The following ASTN2 variants were observed in gnomAD, a reference collection of about 807,000 sequenced individuals.
ASTN2 encodes the protein astrotactin-2.
ASTN2 carries 54 observed loss-of-function variants against 139.8 expected under a neutral mutation model. The observed-to-expected ratio is 0.39, with a 90% CI of 0.31 to 0.48. The LOEUF (loss-of-function observed/expected upper bound fraction) is 0.48. ASTN2 is among the 20% of genes least tolerant of loss of function. The probability of loss-of-function intolerance (pLI) is 0.95; values close to 1 mark genes in which losing one functional copy is unlikely to be tolerated. For missense variants in ASTN2, 1,565 were observed against 1,725.1 expected (o/e 0.91, Z 1.64); for synonymous variants, 756 against 719.5 (o/e 1.05, Z -0.81).
At chr9:116,744,385 G>A (rs1829179491) in intron 13 of ASTN2, among the ~76,000 whole-genome samples, 1 of 152,042 alleles carries the variant, frequency 6.6e-6, no homozygotes, top group African/African-American at 2.4e-5. Flanking sequence ...CCCACTGTAG[G>A]GTATTCAGCA....
intron 11 of ASTN2, among the ~76,000 whole-genome samples, chr9:116,843,676 A>AAGG (rs1832340851): frequency 6.9e-6 from 1 of 145,974 alleles, no homozygotes; most frequent in African/African-American, 2.5e-5. Flanking sequence ...AAAAAAAAAA[A>AAGG]GTGGGAGCTA....
chr9:116,753,779 T>G (rs1243336228), intron 13 of ASTN2, among the ~76,000 whole-genome samples: 1 of 146,408 alleles, frequency 6.8e-6, no homozygotes, highest in African/African-American at 2.8e-5. Context: ...CTAGGCAATC[T>G]GATGTCCACC....
Position 117,071,284 on chromosome 9 carries a change from T to G in ASTN2, c.1276+24760A>C, listed in dbSNP as rs1479059338. Among the ~76,000 whole-genome samples, 9 of 151,532 alleles carry G rather than the reference T, an allele frequency of 5.9e-5. No homozygotes were observed. The South Asian group carries it at 1.9e-3, about 32-fold the overall frequency. ...AATACCCTGCCGTGTGAGGTGTCAG[T>G]GTGCCCCTGCTGGGGGGTGCCTCCC... On this transcript the variant is annotated intron_variant, in intron 5 of 22. Transcript: ENST00000313400.
At chr9:117,099,101 C>A (rs894544740) in intron 4 of ASTN2, among the ~76,000 whole-genome samples, 1 of 126,790 alleles carries the variant, frequency 7.9e-6, no homozygotes, top group Non-Finnish European at 1.6e-5. Flanking sequence ...AGCGAGACTC[C>A]GTCTCCAAAA....
chr9:117,269,248 T>C (rs1363560567), intron 2 of ASTN2, among the ~76,000 whole-genome samples: 3 of 152,210 alleles, frequency 2.0e-5, no homozygotes, highest in African/African-American at 7.2e-5. Context: ...GTATTCACAG[T>C]AGCTATGCTA....
At chr9:116,651,874 A>T (rs929357391) in intron 16 of ASTN2, 81 bp from the exon 17 acceptor site, 13 of 1,499,628 alleles carry the variant, frequency 8.7e-6, no homozygotes, top group African/African-American at 1.4e-5. Flanking sequence ...CACAAAATAC[A>T]GATGCTAAGA....
intron 17 of ASTN2, among the ~76,000 whole-genome samples, chr9:116,627,095 C>A (rs961234042): frequency 1.3e-5 from 2 of 152,100 alleles, no homozygotes; most frequent in African/African-American, 4.8e-5. Context: ...CATTCTTTTA[C>A]AAATCAAAGA....
chr9:117,105,000 C>T (rs1048636449), intron 4 of ASTN2, among the ~76,000 whole-genome samples: 9 of 152,122 alleles, frequency 5.9e-5, no homozygotes, highest in Non-Finnish European at 1.0e-4. Flanking sequence ...ACTCACTCTT[C>T]CAGGGAAGTA....
chr9:116,600,323 C>CAAAAAAAAAAAAAAAAAAAAAA (rs35224783), intron 19 of ASTN2, among the ~76,000 whole-genome samples: 1 of 118,942 alleles, frequency 8.4e-6, no homozygotes, highest in Non-Finnish European at 1.8e-5. Flanking sequence ...GACCCTGTCT[C>CAAAAAAAAAAAAAAAAAAAAAA]AAAAAAAAAA....
At chr9:116,690,469 G>T (rs1250521021) in intron 16 of ASTN2, among the ~76,000 whole-genome samples, 1 of 152,198 alleles carries the variant, frequency 6.6e-6, no homozygotes, top group Non-Finnish European at 1.5e-5. Context: ...CTGGAGAATA[G>T]TTGGAAGCCA....
chr9:117,335,895 C>T (rs1322362164), intron 1 of ASTN2, among the ~76,000 whole-genome samples: 1 of 152,018 alleles, frequency 6.6e-6, no homozygotes, highest in African/African-American at 2.4e-5. Context: ...CTTCATGCTG[C>T]TATTTGGAGA....
chr9:117,226,458 A>G (rs2133047358), intron 2 of ASTN2, among the ~76,000 whole-genome samples: 1 of 152,132 alleles, frequency 6.6e-6, no homozygotes. Context: ...TGCTCAACAA[A>G]AGATGATTTA....
intron 1 of ASTN2, among the ~76,000 whole-genome samples, chr9:117,343,807 C>T (rs1451788107): frequency 1.3e-5 from 2 of 152,116 alleles, no homozygotes; most frequent in Admixed American, 1.3e-4. Context: ...GCTGAGCTTT[C>T]TGCATTTTTA....
chr9:117,412,395 C>T (rs1187932196), intron 1 of ASTN2, among the ~76,000 whole-genome samples: 2 of 152,132 alleles, frequency 1.3e-5, no homozygotes, highest in Non-Finnish European at 2.9e-5. Flanking sequence ...CAGGTTGTTG[C>T]CAGGAGACTC....
chr9:117,242,310 T>A (rs1015790809), intron 2 of ASTN2, among the ~76,000 whole-genome samples: 2 of 152,064 alleles, frequency 1.3e-5, no homozygotes, highest in Admixed American at 1.3e-4. Flanking sequence ...TATAAATATA[T>A]CTCAAACCTC....
chr9:117,007,968 G>A, intron 7 of ASTN2, 124 bp downstream of exon 7: 4 of 1,062,786 alleles, frequency 3.8e-6, no homozygotes, highest in African/African-American at 3.2e-5. Flanking sequence ...AGATTGATGG[G>A]CCTTCTTATT....
At chr9:117,152,496 C>A (rs892598407) in intron 3 of ASTN2, among the ~76,000 whole-genome samples, 7 of 152,162 alleles carry the variant, frequency 4.6e-5, no homozygotes, top group African/African-American at 1.7e-4. Flanking sequence ...TCCAAAGACA[C>A]AGCTTCTGCT....
At chr9:116,890,857 C>T (rs930995245) in intron 10 of ASTN2, among the ~76,000 whole-genome samples, 4 of 152,156 alleles carry the variant, frequency 2.6e-5, no homozygotes, top group African/African-American at 7.2e-5. Context: ...GGCAGCTGCT[C>T]ACAGAAAGAA....
chr9:116,976,806 G>T (rs1185910655), intron 7 of ASTN2, 21 bp from the exon 8 acceptor site: 2 of 1,610,440 alleles, frequency 1.2e-6, no homozygotes, highest in Admixed American at 1.7e-5. Flanking sequence ...AAAGAAAAAA[G>T]ATTATTGTTA....
Sources: gnomAD v4.1 joint callset for allele counts (sites outside exome capture counted in the v4.1 genomes callset) on GRCh38, gnomAD v4.1.1 for gene constraint, MANE v1.5 for transcripts, NCBI Gene and HGNC (gene_info 2026-07-23, HGNC 2026-07-21) for gene names.